ITGA8: variants seen among roughly 807,000 people sequenced by gnomAD.
ITGA8 encodes integrin subunit alpha 8, also known as integrin alpha-8.
ITGA8 carries 91 observed loss-of-function variants against 142.3 expected under a neutral mutation model. That is an observed-to-expected ratio of 0.64 (90% CI 0.54 to 0.76). The LOEUF is 0.76. ITGA8 is among the 30% of genes least tolerant of loss of function. ITGA8 has a pLI of 0.00. For synonymous variants in ITGA8, 505 were observed against 485.2 expected (o/e 1.04, Z -0.54); for missense variants, 1,406 against 1,327.7 (o/e 1.06, Z -0.92).
At chr10:15,599,916 A>G (rs1006446523) in intron 20 of ITGA8, among the ~76,000 whole-genome samples, 1 of 152,140 alleles carries the variant, frequency 6.6e-6, no homozygotes, top group African/African-American at 2.4e-5. Context: ...GTGAGACACC[A>G]TCTCAAAAAA....
At chr10:15,529,041 C>G (rs527644440) in intron 28 of ITGA8, among the ~76,000 whole-genome samples, 80 of 145,754 alleles carry the variant, frequency 5.5e-4, no homozygotes, top group Non-Finnish European at 9.4e-4. Flanking sequence ...CCCTTCCTTT[C>G]TCCTTCCTTC....
At chr10:15,611,905 A>G (rs1441112688) in intron 15 of ITGA8, among the ~76,000 whole-genome samples, 2 of 152,210 alleles carry the variant, frequency 1.3e-5, no homozygotes, top group African/African-American at 2.4e-5. Flanking sequence ...AACATTCTAT[A>G]TCAGAGTGTA....
intron 20 of ITGA8, among the ~76,000 whole-genome samples, chr10:15,599,920 C>CA (rs1016891176): frequency 6.6e-6 from 1 of 151,746 alleles, no homozygotes; most frequent in African/African-American, 2.4e-5. Context: ...GACACCATCT[C>CA]AAAAAAACAA....
chr10:15,643,122 C>T (rs903214617), intron 13 of ITGA8, among the ~76,000 whole-genome samples: 7 of 152,188 alleles, frequency 4.6e-5, no homozygotes, highest in Admixed American at 1.3e-4. Context: ...ATATAGCATG[C>T]ACAATACATA....
intron 2 of ITGA8, among the ~76,000 whole-genome samples, chr10:15,699,593 GT>G (rs1407855581): frequency 1.3e-5 from 2 of 152,080 alleles, no homozygotes; most frequent in African/African-American, 4.8e-5. Flanking sequence ...ACATTTGTGG[GT>G]TTTTTTCCAG....
chr10:15,640,263 T>C (rs1281010744), intron 13 of ITGA8, among the ~76,000 whole-genome samples: 1 of 152,148 alleles, frequency 6.6e-6, no homozygotes, highest in East Asian at 1.9e-4. Context: ...GTCTTCCTCA[T>C]AGACAAGGAA....
rs1458475829 is a variant in ITGA8 at position 15,519,364 on chromosome 10, G to A, written c.3031C>T (p.Pro1011Ser). The A allele has an allele frequency of 6.2e-7, 1 of 1,613,576 alleles. No homozygotes were observed. Among genetic ancestry groups the A allele is most frequent in the South Asian group, 1.1e-5 (1 of 91,062 alleles). The change falls in exon 29 of 30, where the codon CCA becomes TCA. Residue 1011 changes from proline to serine, a missense_variant. By Grantham distance (74) the Pro-to-Ser change is moderately conservative (BLOSUM62 -1). Transcript: ENST00000378076. ...WATPNVSFSI[P>S]LWVIILAILL... is the part of the protein sequence containing the mutation. ...ATTGCTAGTATTATTACCCATAATG[G>A]GATTGAGAAGGAAACATTCGGAGTT...
At chr10:15,544,461 G>T (rs187015587) in intron 27 of ITGA8, among the ~76,000 whole-genome samples, 1 of 152,322 alleles carries the variant, frequency 6.6e-6, no homozygotes, top group African/African-American at 2.4e-5. Context: ...GACTTTGAGA[G>T]AATAAATTTC....
At chr10:15,659,149 A>T (rs775524074) in intron 9 of ITGA8, 94 bp from the exon 10 acceptor site, 1 of 751,868 alleles carries the variant, frequency 1.3e-6, no homozygotes, top group African/African-American at 1.8e-5. Context: ...AATTTTTTGT[A>T]AAGTGTGATA....
At chr10:15,526,642 A>G (rs929523037) in intron 28 of ITGA8, among the ~76,000 whole-genome samples, 1 of 152,220 alleles carries the variant, frequency 6.6e-6, no homozygotes, top group Non-Finnish European at 1.5e-5. Context: ...AGGGAGAACA[A>G]TTCAATCTTG....
At chr10:15,696,490 A>C (rs1835054540) in intron 2 of ITGA8, among the ~76,000 whole-genome samples, 1 of 152,204 alleles carries the variant, frequency 6.6e-6, no homozygotes, top group African/African-American at 2.4e-5. Flanking sequence ...AAAATAAATT[A>C]GCCTGAAAAT....
chr10:15,649,711 T>C (rs1834052431), intron 11 of ITGA8, among the ~76,000 whole-genome samples: 2 of 151,362 alleles, frequency 1.3e-5, no homozygotes, highest in East Asian at 3.9e-4. Context: ...CTCAATATAA[T>C]ATGTCGTTAG....
intron 28 of ITGA8, among the ~76,000 whole-genome samples, chr10:15,525,631 G>A (rs1833158027): frequency 9.7e-6 from 1 of 103,592 alleles, no homozygotes; most frequent in Non-Finnish European, 1.8e-5. Flanking sequence ...GGTGACAGGA[G>A]CGAAACTCCA....
At chr10:15,679,601 A>G (rs1229828113) in intron 4 of ITGA8, among the ~76,000 whole-genome samples, 2 of 152,180 alleles carry the variant, frequency 1.3e-5, no homozygotes, top group African/African-American at 2.4e-5. Context: ...AATAATAAAA[A>G]CAAATTATCC....
chr10:15,541,985 C>T (rs547030449), intron 27 of ITGA8, among the ~76,000 whole-genome samples: 15 of 152,182 alleles, frequency 9.9e-5, no homozygotes, highest in Middle Eastern at 3.4e-3. Context: ...GTCAGGAGGG[C>T]GAGCAGGAGG....
In ITGA8 at chr10:15,670,963, C is replaced by T. The variant is rs1204849122; in HGVS notation, c.847+640G>A. 2.0e-5 allele frequency among the ~76,000 whole-genome samples: 3 copies of T among 152,324 alleles called. No homozygotes were observed. In the East Asian group the frequency reaches 5.8e-4, roughly 29 times the overall value. On this transcript the variant is annotated intron_variant, in intron 8 of 29. Coordinates refer to ENST00000378076, the MANE Select transcript of ITGA8 (RefSeq NM_003638.3). The stretch of plus-strand genomic sequence containing the variant: ...TGTCTGTCTGACCCCCCACCGTCAT[C>T]ATCCCAGGCTCCGTTTTCTTAACAC...
chr10:15,670,878 G>A (rs926386181), intron 8 of ITGA8, among the ~76,000 whole-genome samples: 2 of 152,084 alleles, frequency 1.3e-5, no homozygotes, highest in Non-Finnish European at 2.9e-5. Flanking sequence ...TCAAGCTGAG[G>A]TCCTTCAACA....
chr10:15,522,368 G>A (rs1833088085), intron 28 of ITGA8, among the ~76,000 whole-genome samples: 1 of 152,152 alleles, frequency 6.6e-6, no homozygotes, highest in Admixed American at 6.5e-5. Flanking sequence ...CCTAACATTT[G>A]ACTGCACTCA....
intron 2 of ITGA8, among the ~76,000 whole-genome samples, chr10:15,715,251 A>G (rs540792014): frequency 4.6e-5 from 7 of 152,228 alleles, no homozygotes; most frequent in South Asian, 4.2e-4. Context: ...CCCTGCTTCT[A>G]CAATGCTTCC....
Sources: allele counts gnomAD v4.1 joint callset (sites outside exome capture counted in the v4.1 genomes callset), GRCh38; gene constraint gnomAD v4.1.1; transcripts MANE v1.5; gene names NCBI Gene and HGNC (gene_info 2026-07-23, HGNC 2026-07-21).